The following CHRD variants were observed in gnomAD, a reference collection of about 807,000 sequenced individuals.
CHRD encodes the protein chordin.
Under a neutral mutation model 113.7 loss-of-function variants are expected in CHRD, and 69 were observed. The observed-to-expected ratio is 0.61, with a 90% CI of 0.50 to 0.74. CHRD has a LOEUF of 0.74. Among genes scored for constraint, CHRD ranks in the 30% least tolerant of loss-of-function variants. CHRD has a pLI of 0.00. For missense variants in CHRD, 1,194 were observed against 1,295.8 expected (o/e 0.92, Z 1.21); for synonymous variants, 561 against 540.8 (o/e 1.04, Z -0.52).
intron 15 of CHRD, 94 bp from the exon 16 acceptor site, chr3:184,386,398 G>T: frequency 6.7e-7 from 1 of 1,489,682 alleles, no homozygotes. Flanking sequence ...GCAGCGCTCA[G>T]GGGGCCGAGG....
Position 184,381,454 on chromosome 3 carries a change from C to T in CHRD, c.383-42C>T. The stretch of plus-strand genomic sequence containing the variant: ...GATGGGGCGTCGGACTGGCCTTTCC[C>T]ATGGCCAGCTGAAGCCCGTGTTCTT... On this transcript the variant is annotated intron_variant, in intron 3 of 22. Transcript: ENST00000204604. The surrounding 1 kb of genome is among the most constrained non-coding windows in gnomAD (Gnocchi z 4.7). The T allele has an allele frequency of 1.3e-6, 2 of 1,592,358 alleles. No individual in the cohort carries two copies. The highest frequency in any genetic ancestry group is 4.5e-5 in the East Asian group (2 of 44,582).
chr3:184,384,700 G>A lies in CHRD; in HGVS notation c.1597+7G>A, dbSNP rs1716010444. ...CATAGCGCCCGCCATGACAGTGAGT[G>A]TCCTTAGGGGTCTGTCTGCCCTTTG... On this transcript the variant is annotated splice_region_variant and intron_variant, in intron 13 of 22. Coordinates refer to ENST00000204604, the Ensembl canonical transcript of CHRD. This position sits in a 1 kb window ranked among gnomAD's most constrained non-coding sequence, Gnocchi z 4.4. 1.3e-6 allele frequency: 2 copies of A among 1,532,688 alleles called. No homozygotes were observed. Among genetic ancestry groups the A allele is most frequent in the African/African-American group, 1.4e-5 (1 of 72,396 alleles). The allele number at this position is 1,532,688 out of a possible 1,614,324, so 94.9% of individuals were successfully genotyped here.
chr3:184,386,101 G>A lies in CHRD; in HGVS notation c.1874G>A (p.Gly625Asp), dbSNP rs759903035. The change falls in exon 15 of 23, where the codon GGC becomes GAC. Residue 625 changes from glycine to aspartate, a missense_variant. Coordinates refer to ENST00000204604, the Ensembl canonical transcript of CHRD. ...GAACTGCTGCGGCACCTGGCAAAAG[G>A]CATGGCCTCCCTGATGATCACCACC... 2.2e-5 allele frequency: 36 copies of A among 1,614,128 alleles called. No homozygotes were observed. The Admixed American group carries it at 5.8e-4, about 26-fold the overall frequency.
In CHRD at chr3:184,385,005, TGTCTGGACCCAGCGCTGCCC is replaced by T; in HGVS notation, c.1598-10_1607del. 1 of 1,612,558 alleles carries T rather than the reference TGTCTGGACCCAGCGCTGCCC, an allele frequency of 6.2e-7. No homozygotes were observed. The highest frequency in any genetic ancestry group is 8.5e-7 in the Non-Finnish European group (1 of 1,179,162). ...ACCTTCTCACCTGTCATCTCTCCTC[TGTCTGGACCCAGCGCTGCCC>T]GTGCCCCTAGCAGGAGCCCTGGTGC... On this transcript the variant is annotated splice_acceptor_variant and splice_polypyrimidine_tract_variant and coding_sequence_variant and intron_variant, in exon 14 of 23. Coordinates refer to ENST00000204604, the Ensembl canonical transcript of CHRD. LOFTEE classifies it high-confidence loss of function.
chr3:184,382,361 G>T (rs374700581), intron 6 of CHRD, 28 bp from the exon 7 acceptor site: 10 of 1,614,076 alleles, frequency 6.2e-6, no homozygotes, highest in Non-Finnish European at 8.5e-6. Flanking sequence ...GTGTCTGAGC[G>T]TAGGGCCTTC....
chr3:184,383,341 G>C, exon 11 of CHRD: 1 of 1,613,846 alleles, frequency 6.2e-7, no homozygotes, highest in East Asian at 2.2e-5. Context: ...TGGGGCTGAT[G>C]CCCTGATCCC....
chr3:184,381,949 A>G lies in CHRD; in HGVS notation c.628A>G (p.Arg210Gly). The G allele has an allele frequency of 6.2e-7, 1 of 1,614,154 alleles. No individual in the cohort carries two copies. Among genetic ancestry groups the G allele is most frequent in the Non-Finnish European group, 8.5e-7 (1 of 1,180,030 alleles). Residue 210 changes from arginine to glycine, a missense_variant, in exon 6 of 23, where the codon AGG (arginine) becomes GGG (glycine). Transcript: ENST00000204604. This position sits in a 1 kb window ranked among gnomAD's most constrained non-coding sequence, Gnocchi z 4.7. ...CATTCCCAGGCTGGACCGCCCTACCAGGATCCGCTTCTCAGACTCCAATGG... is the reference window on the plus strand; with the variant it reads ...CATTCCCAGGCTGGACCGCCCTACCGGGATCCGCTTCTCAGACTCCAATGG...
chr3:184,389,684 G>T, exon 23 of CHRD: 1 of 475,088 alleles, frequency 2.1e-6, no homozygotes, highest in South Asian at 3.3e-5. Context: ...CTTTCCTCCT[G>T]TACATAATGT....
At chr3:184,382,862 C>T in exon 9 of CHRD, 1 of 1,613,070 alleles carries the variant, frequency 6.2e-7, no homozygotes, top group Non-Finnish European at 8.5e-7. Context: ...GCAGGACTAA[C>T]CCAGGTTCCC....
rs1365096209 is a variant in CHRD at position 184,385,257 on chromosome 3, G to T, written c.1818+19G>T. 1 of 1,587,738 alleles carries T rather than the reference G, an allele frequency of 6.3e-7. No individual in the cohort carries two copies. Among genetic ancestry groups the T allele is most frequent in the Non-Finnish European group, 8.6e-7 (1 of 1,157,960 alleles). On this transcript the variant is annotated intron_variant, in intron 14 of 22. Coordinates refer to ENST00000204604, the Ensembl canonical transcript of CHRD. ...CTCAGAGGTAAGGATGTGATGGTAG[G>T]CGGCAGCTTGGAACATTTCTGTTTT...
Position 184,381,504 on chromosome 3 carries a change from A to G in CHRD, c.391A>G (p.Ser131Gly). ...TACCCCCCCGCCCGCAGAGCGCAGC[A>G]GTTCGGAGCGGCAGCCGAGCGGCCT... Residue 131 changes from serine to glycine, a missense_variant, in exon 4 of 23, where the codon AGT (serine) becomes GGT (glycine). Physicochemically the swap from Ser to Gly is moderately conservative, Grantham distance 56 (BLOSUM62 0). Coordinates refer to ENST00000204604, the Ensembl canonical transcript of CHRD. The surrounding 1 kb of genome is among the most constrained non-coding windows in gnomAD (Gnocchi z 4.7). The G allele has an allele frequency of 1.3e-6, 2 of 1,597,728 alleles. No individual in the cohort carries two copies. The highest frequency in any genetic ancestry group is 1.1e-5 in the South Asian group (1 of 89,300).
At position 184,384,869 on chromosome 3, in the gene CHRD, G is replaced by T; in HGVS notation, c.1598-149G>T. 1 of 1,200,640 alleles carries T rather than the reference G, an allele frequency of 8.3e-7. No individual in the cohort carries two copies. Among genetic ancestry groups the T allele is most frequent in the Non-Finnish European group, 1.2e-6 (1 of 852,670 alleles). The allele number at this position is 1,200,640 out of a possible 1,614,324, so 74.4% of individuals were successfully genotyped here. ...ACTCTTCCTGTTGCTGAGGTTCAAGGGTCTAAAACTTGCTGCTCTCCAGGC... is the reference window on the plus strand; with the variant it reads ...ACTCTTCCTGTTGCTGAGGTTCAAGTGTCTAAAACTTGCTGCTCTCCAGGC... On this transcript the variant is annotated intron_variant, in intron 13 of 22. Transcript: ENST00000204604. This position sits in a 1 kb window ranked among gnomAD's most constrained non-coding sequence, Gnocchi z 4.4.
Position 184,381,941 on chromosome 3 carries a change from G to A in CHRD, c.620G>A (p.Arg207His), listed in dbSNP as rs777889535. ...CGACCTCTCATTCCCAGGCTGGACC[G>A]CCCTACCAGGATCCGCTTCTCAGAC... Residue 207 changes from arginine to histidine, a missense_variant, in exon 6 of 23, where the codon CGC becomes CAC. By Grantham distance (29) the Arg-to-His change is conservative. Coordinates refer to ENST00000204604, the Ensembl canonical transcript of CHRD. This position sits in a 1 kb window ranked among gnomAD's most constrained non-coding sequence, Gnocchi z 4.7. 3.7e-6 allele frequency: 6 copies of A among 1,614,144 alleles called. No homozygotes were observed. The South Asian group carries it at 4.4e-5, about 12-fold the overall frequency.
chr3:184,381,487 C>G lies in CHRD; in HGVS notation c.383-9C>G, dbSNP rs780725085. On this transcript the variant is annotated splice_polypyrimidine_tract_variant and intron_variant, in intron 3 of 22. Transcript: ENST00000204604. This position sits in a 1 kb window ranked among gnomAD's most constrained non-coding sequence, Gnocchi z 4.7. ...GCTGAAGCCCGTGTTCTTACCCCCC[C>G]GCCCGCAGAGCGCAGCAGTTCGGAG... 1.9e-5 allele frequency: 30 copies of G among 1,587,094 alleles called. No homozygotes were observed. In the East Asian group the frequency reaches 5.8e-4, roughly 31 times the overall value.
Position 184,383,270 on chromosome 3 carries a change from C to T in CHRD, c.1214-42C>T, listed in dbSNP as rs532274661. 5.9e-5 allele frequency: 94 copies of T among 1,597,658 alleles called. 1 individual carries two copies. The South Asian group carries it at 1.0e-3, about 18-fold the overall frequency. On this transcript the variant is annotated intron_variant, in intron 10 of 22. Transcript: ENST00000204604. ...TCCTGTGGACTGGGGGTGTAAGCGGCCATGGGGTAAACCTAGCCTCACCTG... is the reference window on the plus strand; with the variant it reads ...TCCTGTGGACTGGGGGTGTAAGCGGTCATGGGGTAAACCTAGCCTCACCTG...
intron 6 of CHRD, 109 bp from the exon 7 acceptor site, chr3:184,382,280 C>G: frequency 6.5e-7 from 1 of 1,540,998 alleles, no homozygotes; most frequent in Non-Finnish European, 8.8e-7. Context: ...CCTAGGGCAC[C>G]CTGGAGGTTC....
In CHRD at chr3:184,380,878, C is replaced by A; in HGVS notation, c.252+83C>A. On this transcript the variant is annotated intron_variant, in intron 2 of 22. Transcript: ENST00000204604. This position sits in a 1 kb window ranked among gnomAD's most constrained non-coding sequence, Gnocchi z 6.3. ...GGGCGTCGGAGTGGACTCGGAGCTG[C>A]TGAGAAGGAGCCCAGTCGGCAGATG... 3 of 1,062,748 alleles carry A rather than the reference C, an allele frequency of 2.8e-6. No individual in the cohort carries two copies. Among genetic ancestry groups the A allele is most frequent in the Non-Finnish European group, 4.1e-6 (3 of 731,272 alleles). 65.8% of individuals were successfully genotyped at this position (1,062,748 alleles called of 1,614,324 possible). A position where few individuals can be genotyped will look rare whatever the true frequency, so the allele number is the denominator to read the frequency against.
chr3:184,388,229 A>ATCCATCCG lies in CHRD; in HGVS notation c.2554+204_2554+211dup, dbSNP rs1212953600. Among the ~76,000 whole-genome samples the ATCCATCCG allele has an allele frequency of 7.0e-6, 1 of 142,470 alleles. No individual in the cohort carries two copies. Among genetic ancestry groups the ATCCATCCG allele is most frequent in the African/African-American group, 2.7e-5 (1 of 36,506 alleles). 93.5% of individuals were successfully genotyped at this position (142,470 alleles called of 152,430 possible). ...TATGATGGGTTCTGGTTCCTGCTCCATCCATCCGTCCATCCATCCATCCAT... is the reference window on the plus strand; with the variant it reads ...TATGATGGGTTCTGGTTCCTGCTCCATCCATCCGTCCATCCGTCCATCCATCCATCCAT... On this transcript the variant is annotated intron_variant, in intron 20 of 22. Transcript: ENST00000204604. The surrounding 1 kb of genome is among the most constrained non-coding windows in gnomAD (Gnocchi z 6.1).
At position 184,381,309 on chromosome 3, in the gene CHRD, G is replaced by C. The variant is rs540307891; in HGVS notation, c.327G>C (p.Pro109=). 6.2e-7 allele frequency: 1 copy of C among 1,610,702 alleles called. No individual in the cohort carries two copies. Among genetic ancestry groups the C allele is most frequent in the East Asian group, 2.2e-5 (1 of 44,748 alleles). Residue 109 remains proline, a synonymous_variant, in exon 3 of 23, where the codon CCG becomes CCC. Coordinates refer to ENST00000204604, the Ensembl canonical transcript of CHRD. The surrounding 1 kb of genome is among the most constrained non-coding windows in gnomAD (Gnocchi z 4.7). Reference sequence around the variant, plus strand: ...ACATCAAACCAGAGTGCCCAACCCCGGCCTGTGGGCAGCCGCGCCAGCTGC... The same window carrying C: ...ACATCAAACCAGAGTGCCCAACCCCCGCCTGTGGGCAGCCGCGCCAGCTGC...
Sources: gnomAD v4.1 joint callset for allele counts (sites outside exome capture counted in the v4.1 genomes callset) on GRCh38, gnomAD v4.1.1 for gene constraint, Gnocchi (gnomAD v3.1) non-coding constraint, MANE v1.5 for transcripts, NCBI Gene and HGNC (gene_info 2026-07-23, HGNC 2026-07-21) for gene names.